RBFOX1: variants seen among roughly 807,000 people sequenced by gnomAD.
RBFOX1 encodes RNA binding protein fox-1 homolog 1.
RBFOX1 carries 8 observed loss-of-function variants against 57.7 expected under a neutral mutation model. The ratio of observed to expected loss-of-function variants is 0.14; its 90% CI spans 0.08 to 0.25. The LOEUF is 0.25. Ranked by LOEUF, RBFOX1 falls within the 10% of genes least tolerant of loss-of-function variation. The pLI, the probability that RBFOX1 is intolerant of heterozygous loss-of-function variation, is 1.00. For synonymous variants in RBFOX1, 326 were observed against 222.4 expected (o/e 1.47, Z -4.15); for missense variants, 611 against 548.5 (o/e 1.11, Z -1.14).
intron 4 of RBFOX1, among the ~76,000 whole-genome samples, chr16:7,324,866 A>G (rs755181044): frequency 1.2e-4 from 18 of 152,332 alleles, no homozygotes; most frequent in Non-Finnish European, 2.4e-4. Context: ...TACCATCTTC[A>G]TCATCCCTAA....
At chr16:6,381,717 C>T (rs2152918194) in intron 2 of RBFOX1, among the ~76,000 whole-genome samples, 1 of 152,312 alleles carries the variant, frequency 6.6e-6, no homozygotes, top group East Asian at 1.9e-4. Flanking sequence ...TGTGCTAGGC[C>T]AGGCATTGGG....
chr16:6,614,647 G>T, intron 2 of RBFOX1, among the ~76,000 whole-genome samples: 1 of 152,154 alleles, frequency 6.6e-6, no homozygotes, highest in East Asian at 1.9e-4. Context: ...TGAGGAAGTA[G>T]CCTCTTTCCT....
chr16:5,641,976 C>G (rs972173753), intron 3 of RBFOX1, among the ~76,000 whole-genome samples: 1 of 152,086 alleles, frequency 6.6e-6, no homozygotes, highest in South Asian at 2.1e-4. Flanking sequence ...AGGTGGGACT[C>G]GTGATTCTGG....
rs986189812 is a variant in RBFOX1 at position 6,980,959 on chromosome 16, C to T, written c.-15-71098C>T. Among the ~76,000 whole-genome samples, 17 of 139,564 alleles carry T rather than the reference C, an allele frequency of 1.2e-4. No individual in the cohort carries two copies. The Admixed American group carries it at 1.2e-3, about 10-fold the overall frequency. 91.6% of individuals were successfully genotyped at this position (139,564 alleles called of 152,430 possible). ...TCGGGAGTCTGAGGCATGAGAATCC[C>T]TTGAACCTGGGAAGTGGAGGTTGCA... is the stretch of plus-strand genomic sequence containing the variant. On this transcript the variant is annotated intron_variant, in intron 3 of 15. Coordinates refer to ENST00000550418, the MANE Select transcript of RBFOX1 (RefSeq NM_018723.4).
chr16:7,282,311 G>C (rs559934773), intron 4 of RBFOX1, among the ~76,000 whole-genome samples: 101 of 152,292 alleles, frequency 6.6e-4, no homozygotes, highest in South Asian at 6.2e-4. Context: ...GGATGCCACA[G>C]TTACTTGTTC....
intron 1 of RBFOX1, among the ~76,000 whole-genome samples, chr16:6,183,508 A>AAATAAAT (rs1555540913): frequency 5.3e-5 from 8 of 150,792 alleles, no homozygotes; most frequent in Middle Eastern, 3.4e-3. Context: ...ATAAATAAAT[A>AAATAAAT]AATAAATAAA....
intron 4 of RBFOX1, among the ~76,000 whole-genome samples, chr16:7,317,762 C>T (rs1238460264): frequency 6.6e-6 from 1 of 152,174 alleles, no homozygotes. Context: ...ATCTTATGGG[C>T]CTCCAACTAG....
intron 1 of RBFOX1, among the ~76,000 whole-genome samples, chr16:5,294,346 A>T (rs2063610193): frequency 6.6e-6 from 1 of 152,212 alleles, no homozygotes; most frequent in Non-Finnish European, 1.5e-5. Flanking sequence ...CTGCGGTTTT[A>T]AAATCTCCCC....
intron 2 of RBFOX1, among the ~76,000 whole-genome samples, chr16:5,566,691 T>G (rs1253974674): frequency 6.6e-6 from 1 of 151,756 alleles, no homozygotes; most frequent in Non-Finnish European, 1.5e-5. Flanking sequence ...TGTATATATA[T>G]ATACACATAT....
chr16:7,454,887 T>G (rs1193785811), intron 4 of RBFOX1, among the ~76,000 whole-genome samples: 1 of 152,188 alleles, frequency 6.6e-6, no homozygotes, highest in Non-Finnish European at 1.5e-5. Context: ...AAAGAGTGAT[T>G]ATCACAGTTT....
intron 3 of RBFOX1, among the ~76,000 whole-genome samples, chr16:6,913,833 A>G (rs149215050): frequency 1.6e-4 from 24 of 152,312 alleles, no homozygotes; most frequent in African/African-American, 5.8e-4. Context: ...CCAGCCCTGC[A>G]TGTGGCGTAA....
At chr16:5,745,135 T>C (rs759272716) in intron 3 of RBFOX1, among the ~76,000 whole-genome samples, 1 of 152,108 alleles carries the variant, frequency 6.6e-6, no homozygotes, top group African/African-American at 2.4e-5. Flanking sequence ...ATGTTCCCCT[T>C]CTGTGTCCAA....
intron 3 of RBFOX1, among the ~76,000 whole-genome samples, chr16:6,668,616 G>A (rs1033375652): frequency 3.3e-5 from 5 of 152,262 alleles, no homozygotes; most frequent in Non-Finnish European, 4.4e-5. Context: ...ATTACATTAT[G>A]GTAGCAATTC....
intron 3 of RBFOX1, among the ~76,000 whole-genome samples, chr16:6,974,125 G>C (rs544506493): frequency 2.6e-5 from 4 of 152,072 alleles, no homozygotes; most frequent in African/African-American, 9.7e-5. Flanking sequence ...TTTTATGGCT[G>C]CATAGAATTC....
rs1319730958 is a variant in RBFOX1 at position 6,299,584 on chromosome 16, A to ACATCCAGGTCACTCTCT, written c.-126-17410_-126-17394dup. On this transcript the variant is annotated intron_variant, in intron 1 of 15. Coordinates refer to ENST00000550418, the MANE Select transcript of RBFOX1 (RefSeq NM_018723.4). ...AGACCCCAGCGTCATCGTCACTCTCACATCCAGGTCACTCTCTACCATTTG... is the reference window on the plus strand; with the variant it reads ...AGACCCCAGCGTCATCGTCACTCTCACATCCAGGTCACTCTCTCATCCAGGTCACTCTCTACCATTTG... 1.2e-4 allele frequency among the ~76,000 whole-genome samples: 18 copies of ACATCCAGGTCACTCTCT among 152,210 alleles called. 1 individual carries two copies. In the South Asian group the frequency reaches 3.7e-3, roughly 32 times the overall value.
chr16:6,009,072 A>G (rs2094944340), intron 4 of RBFOX1, among the ~76,000 whole-genome samples: 1 of 151,698 alleles, frequency 6.6e-6, no homozygotes, highest in Non-Finnish European at 1.5e-5. Flanking sequence ...TCTACGTGCT[A>G]TCATAAGGCA....
chr16:7,111,455 C>T (rs1395869726), intron 4 of RBFOX1, among the ~76,000 whole-genome samples: 1 of 152,014 alleles, frequency 6.6e-6, no homozygotes, highest in African/African-American at 2.4e-5. Flanking sequence ...AATAATGCTT[C>T]CTTTGATTAT....
At chr16:6,095,915 G>C (rs1165153835) in intron 1 of RBFOX1, among the ~76,000 whole-genome samples, 3 of 152,170 alleles carry the variant, frequency 2.0e-5, no homozygotes, top group Non-Finnish European at 4.4e-5. Context: ...GCTCCCAGTG[G>C]AGTCTGGTCA....
At chr16:6,988,736 T>TTTTTTTTTTTTTTTTTTG (rs1234957014) in intron 3 of RBFOX1, among the ~76,000 whole-genome samples, 1 of 75,304 alleles carries the variant, frequency 1.3e-5, no homozygotes, top group Non-Finnish European at 2.4e-5. Context: ...AGCTAATTTT[T>TTTTTTTTTTTTTTTTTTG]TTTTTTGTTT....
Sources: gnomAD v4.1 joint callset for allele counts (sites outside exome capture counted in the v4.1 genomes callset) on GRCh38, gnomAD v4.1.1 for gene constraint, MANE v1.5 for transcripts, NCBI Gene and HGNC (gene_info 2026-07-23, HGNC 2026-07-21) for gene names.